The following ARHGAP39 variants were observed in gnomAD, a reference collection of about 807,000 sequenced individuals.
The protein encoded by ARHGAP39 is Rho GTPase activating protein 39.
Under a neutral mutation model 106.9 loss-of-function variants are expected in ARHGAP39, and 44 were observed. That is an observed-to-expected ratio of 0.41 (90% CI 0.32 to 0.53). The LOEUF is 0.53. Ranked by LOEUF, ARHGAP39 falls within the 20% of genes least tolerant of loss-of-function variation. The pLI, the probability that ARHGAP39 is intolerant of heterozygous loss-of-function variation, is 0.21. For synonymous variants in ARHGAP39, 768 were observed against 693.2 expected (o/e 1.11, Z -1.69); for missense variants, 1,496 against 1,577.3 (o/e 0.95, Z 0.87).
rs547931623 is a variant in ARHGAP39 at position 144,653,868 on chromosome 8, A to G, written c.-82+31818T>C. 3.1e-3 allele frequency among the ~76,000 whole-genome samples: 473 copies of G among 152,348 alleles called. 6 individuals are homozygous for G. The highest frequency in any genetic ancestry group is 4.6e-3 in the Non-Finnish European group (311 of 68,036). On this transcript the variant is annotated intron_variant, in intron 1 of 11. Coordinates refer to ENST00000377307, the MANE Select transcript of ARHGAP39 (RefSeq NM_025251.3). Reference sequence around the variant, plus strand: ...CCTGTTGGAATAACTAGAAATTGTAATAACTAGAATGTGAAAGAACTGGCG... The same window carrying G: ...CCTGTTGGAATAACTAGAAATTGTAGTAACTAGAATGTGAAAGAACTGGCG...
intron 1 of ARHGAP39, among the ~76,000 whole-genome samples, chr8:144,653,440 G>A (rs1011432199): frequency 2.2e-4 from 33 of 152,258 alleles, no homozygotes; most frequent in East Asian, 3.9e-4. Flanking sequence ...CATGCCTGGC[G>A]TCTACCTGCC....
intron 10 of ARHGAP39, among the ~76,000 whole-genome samples, chr8:144,532,096 G>A (rs1215717663): frequency 1.3e-5 from 2 of 152,038 alleles, no homozygotes; most frequent in African/African-American, 2.4e-5. Flanking sequence ...GTGGGGAGTG[G>A]GCTGCATTGC....
At chr8:144,538,625 C>G (rs1344411144) in intron 6 of ARHGAP39, among the ~76,000 whole-genome samples, 3 of 152,174 alleles carry the variant, frequency 2.0e-5, no homozygotes, top group Non-Finnish European at 4.4e-5. Flanking sequence ...GGTGCGATCT[C>G]AGCTCACTGC....
upstream of ARHGAP39, among the ~76,000 whole-genome samples, chr8:144,686,384 A>G (rs778579126): frequency 3.3e-4 from 50 of 152,214 alleles, no homozygotes; most frequent in Admixed American, 2.6e-3. Context: ...GGCGTTTTCT[A>G]ATCTGCGTTC....
At chr8:144,680,521 T>C (rs1272682632) in intron 1 of ARHGAP39, among the ~76,000 whole-genome samples, 2 of 152,204 alleles carry the variant, frequency 1.3e-5, no homozygotes, top group South Asian at 2.1e-4. Context: ...GAAGGACTCA[T>C]ATCCGTAGCA....
intron 6 of ARHGAP39, among the ~76,000 whole-genome samples, chr8:144,540,647 G>GA (rs1483307662): frequency 2.6e-5 from 4 of 151,784 alleles, no homozygotes; most frequent in Middle Eastern, 3.2e-3. Context: ...CAAAACTTAA[G>GA]AAAAAAATTA....
rs1371673762 is a variant in ARHGAP39, at chr8:144,684,447, G to C, written c.-82+1239C>G. On this transcript the variant is annotated intron_variant, in intron 1 of 11. Coordinates refer to ENST00000377307, the MANE Select transcript of ARHGAP39 (RefSeq NM_025251.3). This position sits in a 1 kb window ranked among gnomAD's most constrained non-coding sequence, Gnocchi z 4.4. ...ACAAATCTCCGTATTGTTGTACCAG[G>C]AGGCACGAGAAGCCTCACCACTGTA... 6.6e-6 allele frequency among the ~76,000 whole-genome samples: 1 copy of C among 152,170 alleles called. No homozygotes were observed. The highest frequency in any genetic ancestry group is 2.4e-5 in the African/African-American group (1 of 41,446).
At chr8:144,636,527 G>A (rs1821176479) in intron 1 of ARHGAP39, among the ~76,000 whole-genome samples, 1 of 152,214 alleles carries the variant, frequency 6.6e-6, no homozygotes, top group African/African-American at 2.4e-5. Flanking sequence ...CGATGCAGGC[G>A]ATGTGAAGAT....
At chr8:144,619,372 G>A (rs569685224) in intron 1 of ARHGAP39, among the ~76,000 whole-genome samples, 1 of 152,310 alleles carries the variant, frequency 6.6e-6, no homozygotes, top group Admixed American at 6.5e-5. Flanking sequence ...GGGCCTGTGT[G>A]TCCCAGAGGG....
intron 1 of ARHGAP39, among the ~76,000 whole-genome samples, chr8:144,615,743 C>A (rs1820618718): frequency 6.6e-6 from 1 of 152,236 alleles, no homozygotes; most frequent in African/African-American, 2.4e-5. Flanking sequence ...AACAATGAAC[C>A]CAGTCTCATG....
chr8:144,559,161 T>G (rs985339778), intron 3 of ARHGAP39, among the ~76,000 whole-genome samples: 6 of 151,748 alleles, frequency 4.0e-5, no homozygotes, highest in Admixed American at 6.6e-5. Context: ...TGAGCCAAGA[T>G]TGCACCACTA....
At chr8:144,616,667 G>A (rs1169283812) in intron 1 of ARHGAP39, among the ~76,000 whole-genome samples, 1 of 152,248 alleles carries the variant, frequency 6.6e-6, no homozygotes, top group Non-Finnish European at 1.5e-5. Context: ...GGGCCCAAGG[G>A]CCATAGGGGC....
intron 8 of ARHGAP39, 100 bp from the exon 9 acceptor site, chr8:144,533,425 C>T: frequency 4.1e-6 from 5 of 1,210,192 alleles, no homozygotes; most frequent in South Asian, 1.4e-5. Flanking sequence ...GGGTGGCGCT[C>T]TTCAGAATTC....
chr8:144,548,765 C>T lies in ARHGAP39; in HGVS notation c.597-276G>A, dbSNP rs1817584419. ...ACAGGGCTGCTTCTGTAACTAGAAC[C>T]GGGGGCGGCGTTACCAGGGCCCTTA... On this transcript the variant is annotated intron_variant, in intron 4 of 11. Transcript: ENST00000377307. The surrounding 1 kb of genome is among the most constrained non-coding windows in gnomAD (Gnocchi z 7.4). 6.6e-6 allele frequency among the ~76,000 whole-genome samples: 1 copy of T among 152,176 alleles called. No individual in the cohort carries two copies.
At chr8:144,640,352 T>C (rs756444349) in intron 1 of ARHGAP39, among the ~76,000 whole-genome samples, 1 of 152,156 alleles carries the variant, frequency 6.6e-6, no homozygotes, top group Non-Finnish European at 1.5e-5. Context: ...AATTGAATCA[T>C]AGGGGTGGGT....
At position 144,635,215 on chromosome 8, in the gene ARHGAP39, C is replaced by T. The variant is rs549740840; in HGVS notation, c.-81-29520G>A. ...TGGGGTAGGTCACCAGAAAGACCAA[C>T]GCACGATTAGAGGGGTGGAATTTTC... is the stretch of plus-strand genomic sequence containing the variant. On this transcript the variant is annotated intron_variant, in intron 1 of 11. Coordinates refer to ENST00000377307, the MANE Select transcript of ARHGAP39 (RefSeq NM_025251.3). Among the ~76,000 whole-genome samples, 6 of 152,300 alleles carry T rather than the reference C, an allele frequency of 3.9e-5. No individual in the cohort carries two copies. The East Asian group carries it at 5.8e-4, about 15-fold the overall frequency.
At chr8:144,683,057 T>A (rs1470855839) in intron 1 of ARHGAP39, 1 of 152,068 alleles carries the variant, frequency 6.6e-6, no homozygotes, top group Non-Finnish European at 1.5e-5. Flanking sequence ...GGCTCACACC[T>A]GTAATCCCAG....
intron 3 of ARHGAP39, among the ~76,000 whole-genome samples, chr8:144,557,298 C>A (rs200189565): frequency 1.9e-4 from 4 of 21,078 alleles, no homozygotes; most frequent in East Asian, 1.4e-3. Context: ...TAGTATTCAG[C>A]GGCAAAAGGC....
At chr8:144,601,860 T>G (rs1410080256) in intron 2 of ARHGAP39, among the ~76,000 whole-genome samples, 1 of 139,506 alleles carries the variant, frequency 7.2e-6, no homozygotes, top group Non-Finnish European at 1.5e-5. Context: ...CGTAGAGGTG[T>G]GTGTGCGAGC....
Sources: allele counts gnomAD v4.1 joint callset (sites outside exome capture counted in the v4.1 genomes callset), GRCh38; gene constraint gnomAD v4.1.1; non-coding constraint Gnocchi (gnomAD v3.1); transcripts MANE v1.5; gene names NCBI Gene and HGNC (gene_info 2026-07-23, HGNC 2026-07-21).